The following NGFR variants were observed in gnomAD, a reference collection of about 807,000 sequenced individuals.
The protein encoded by NGFR is nerve growth factor receptor, also known as tumor necrosis factor receptor superfamily member 16.
In NGFR, 30 loss-of-function variants were observed where a neutral mutation model predicts 43.2. That is an observed-to-expected ratio of 0.69 (90% CI 0.52 to 0.94). The LOEUF (loss-of-function observed/expected upper bound fraction) is 0.94, where lower values mean the gene tolerates loss of function less well. Among genes scored for constraint, NGFR ranks in the 40% least tolerant of loss-of-function variants. The pLI, the probability that NGFR is intolerant of heterozygous loss-of-function variation, is 0.00. For missense variants in NGFR, 529 were observed against 602.5 expected (o/e 0.88, Z 1.28); for synonymous variants, 246 against 259.6 (o/e 0.95, Z 0.50).
In NGFR at chr17:49,495,736, G is replaced by A; in HGVS notation, c.66+253G>A. The A allele has an allele frequency of 2.5e-6, 1 of 392,196 alleles. No individual in the cohort carries two copies. The highest frequency in any genetic ancestry group is 4.5e-6 in the Non-Finnish European group (1 of 222,918). 24.3% of individuals were successfully genotyped at this position (392,196 alleles called of 1,614,324 possible). On this transcript the variant is annotated intron_variant, in intron 1 of 5. Transcript: ENST00000172229. The surrounding 1 kb of genome is among the most constrained non-coding windows in gnomAD (Gnocchi z 6.4). ...CCGGTCCTCAGGTACCGCAGGGGGC[G>A]GTGGGGGAGCTGGGAGGGGTCTTTC...
At chr17:49,510,004 G>A (rs1266486117) in intron 3 of NGFR, among the ~76,000 whole-genome samples, 2 of 152,156 alleles carry the variant, frequency 1.3e-5, no homozygotes, top group Non-Finnish European at 2.9e-5. Flanking sequence ...AGGCCTCCCT[G>A]TGGTCAGGCT....
At chr17:49,509,581 C>T (rs999902936) in intron 3 of NGFR, among the ~76,000 whole-genome samples, 25 of 152,220 alleles carry the variant, frequency 1.6e-4, no homozygotes, top group Non-Finnish European at 1.5e-5. Context: ...TGGCAAGTCA[C>T]AGTCTCCCCC....
Position 49,512,050 on chromosome 17 carries a change from A to G in NGFR, c.980A>G (p.Gln327Arg). ...QQPHTQTASG[Q>R]ALKGDGGLYS... ...CCCCACACGCAGACAGCCTCGGGCCAGGGTGAGCAGCGGCCCGCTGGGGAG... is the reference window on the plus strand; with the variant it reads ...CCCCACACGCAGACAGCCTCGGGCCGGGGTGAGCAGCGGCCCGCTGGGGAG... Residue 327 changes from glutamine to arginine, a missense_variant and splice_region_variant, in exon 5 of 6, where the codon CAG becomes CGG. Gln to Arg is a conservative substitution (Grantham distance 43, BLOSUM62 1). Transcript: ENST00000172229. The surrounding 1 kb of genome is among the most constrained non-coding windows in gnomAD (Gnocchi z 5.2). 12 of 1,612,662 alleles carry G rather than the reference A, an allele frequency of 7.4e-6. No individual in the cohort carries two copies. The highest frequency in any genetic ancestry group is 1.0e-5 in the Non-Finnish European group (12 of 1,179,408).
chr17:49,495,654 C>G lies in NGFR; in HGVS notation c.66+171C>G. On this transcript the variant is annotated intron_variant, in intron 1 of 5. Transcript: ENST00000172229. This position sits in a 1 kb window ranked among gnomAD's most constrained non-coding sequence, Gnocchi z 6.4. ...ACCACGAAGGAGGGTCTAGGGTTCC[C>G]GGAGCGCAGAGGCGACTCTCCAGGG... The G allele has an allele frequency of 1.8e-6, 1 of 562,414 alleles. No homozygotes were observed. Among genetic ancestry groups the G allele is most frequent in the Non-Finnish European group, 2.7e-6 (1 of 376,566 alleles). 34.8% of individuals were successfully genotyped at this position (562,414 alleles called of 1,614,324 possible).
At chr17:49,510,763 C>A in intron 4 of NGFR, 99 bp downstream of exon 4, 1 of 1,461,000 alleles carries the variant, frequency 6.8e-7, no homozygotes, top group Non-Finnish European at 9.4e-7. Flanking sequence ...CCTTTTAACT[C>A]AACCCCAAAC....
Position 49,506,450 on chromosome 17 carries a change from G to A in NGFR, c.360G>A (p.Gly120=). The A allele has an allele frequency of 3.1e-6, 5 of 1,608,508 alleles. No homozygotes were observed. Among genetic ancestry groups the A allele is most frequent in the Non-Finnish European group, 4.2e-6 (5 of 1,178,956 alleles). Residue 120 remains glycine, a synonymous_variant, in exon 3 of 6, where the codon GGG becomes GGA. Transcript: ENST00000172229. Reference sequence around the variant, plus strand: ...GCTACTACCAGGATGAGACGACTGGGCGCTGCGAGGCGTGCCGCGTGTGCG... The same window carrying A: ...GCTACTACCAGGATGAGACGACTGGACGCTGCGAGGCGTGCCGCGTGTGCG... The part of the protein sequence containing the change: ...AYGYYQDETT[G]RCEACRVCEA...
In NGFR at chr17:49,506,613, C is replaced by T; in HGVS notation, c.523C>T (p.Arg175Cys). Reference protein sequence around the residue: ...LPCTVCEDTERQLRECTRWAD... With the variant: ...LPCTVCEDTECQLRECTRWAD... ...CTGCACCGTGTGCGAGGACACCGAGCGCCAGCTCCGCGAGTGCACACGCTG... is the reference window on the plus strand; with the variant it reads ...CTGCACCGTGTGCGAGGACACCGAGTGCCAGCTCCGCGAGTGCACACGCTG... Residue 175 changes from arginine to cysteine, a missense_variant, in exon 3 of 6, where the codon CGC (arginine) becomes TGC (cysteine). Physicochemically the swap from Arg to Cys is radical, Grantham distance 180 (BLOSUM62 -3). Transcript: ENST00000172229. The T allele has an allele frequency of 6.3e-7, 1 of 1,598,340 alleles. No homozygotes were observed. Among genetic ancestry groups the T allele is most frequent in the Non-Finnish European group, 8.5e-7 (1 of 1,173,024 alleles).
rs11466165 is a variant in NGFR at position 49,513,673 on chromosome 17, C to T, written c.*664C>T. On this transcript the variant is annotated 3_prime_UTR_variant, in exon 6 of 6. Transcript: ENST00000172229. Reference sequence around the variant, plus strand: ...GGGGAGGCCAAGTGCAGGCTGGCACCGCCTTCTCTAAATGAGGGGCCTCAG... The same window carrying T: ...GGGGAGGCCAAGTGCAGGCTGGCACTGCCTTCTCTAAATGAGGGGCCTCAG... 0.021 allele frequency: 3,187 copies of T among 152,456 alleles called. 73 individuals carry two copies. Among genetic ancestry groups the T allele is most frequent in the Non-Finnish European group, 0.029 (1,982 of 68,124 alleles). 9.4% of individuals were successfully genotyped at this position (152,456 alleles called of 1,614,324 possible).
chr17:49,506,292 C>A lies in NGFR; in HGVS notation c.209-7C>A, dbSNP rs1330219029. 3.2e-6 allele frequency: 5 copies of A among 1,541,038 alleles called. No individual in the cohort carries two copies. Among genetic ancestry groups the A allele is most frequent in the Admixed American group, 1.8e-5 (1 of 54,456 alleles). Reference sequence around the variant, plus strand: ...AGACGACTAAATCTGGTGTCCGCTGCGCTCAGGCGTGACGTTCTCCGACGT... The same window carrying A: ...AGACGACTAAATCTGGTGTCCGCTGAGCTCAGGCGTGACGTTCTCCGACGT... On this transcript the variant is annotated splice_region_variant and splice_polypyrimidine_tract_variant and intron_variant, in intron 2 of 5. Coordinates refer to ENST00000172229, the MANE Select transcript of NGFR (RefSeq NM_002507.4).
rs1485955861 is a variant in NGFR, at chr17:49,495,616, C to G, written c.66+133C>G. 2 of 794,974 alleles carry G rather than the reference C, an allele frequency of 2.5e-6. No individual in the cohort carries two copies. Among genetic ancestry groups the G allele is most frequent in the East Asian group, 3.4e-5 (1 of 29,680 alleles). The allele number at this position is 794,974 out of a possible 1,614,324, so 49.2% of individuals were successfully genotyped here. A position where few individuals can be genotyped will look rare whatever the true frequency, so the allele number is the denominator to read the frequency against. On this transcript the variant is annotated intron_variant, in intron 1 of 5. Coordinates refer to ENST00000172229, the MANE Select transcript of NGFR (RefSeq NM_002507.4). The surrounding 1 kb of genome is among the most constrained non-coding windows in gnomAD (Gnocchi z 6.4). ...CTGAGGGTGGGTGGTGGGAAAGGACCTCTGATGCCGGGACCACGAAGGAGG... is the reference window on the plus strand; with the variant it reads ...CTGAGGGTGGGTGGTGGGAAAGGACGTCTGATGCCGGGACCACGAAGGAGG...
intron 1 of NGFR, among the ~76,000 whole-genome samples, chr17:49,500,289 T>C (rs1007370008): frequency 6.6e-6 from 1 of 152,194 alleles, no homozygotes; most frequent in African/African-American, 2.4e-5. Flanking sequence ...GAATCTCGGC[T>C]AACCAACAGT....
At chr17:49,502,265 A>T in intron 2 of NGFR, 61 bp downstream of exon 2, 1 of 1,516,320 alleles carries the variant, frequency 6.6e-7, no homozygotes, top group Non-Finnish European at 8.9e-7. Flanking sequence ...GAGGGGTGAA[A>T]GGGAGGGGCG....
At chr17:49,506,255 G>A in intron 2 of NGFR, 44 bp from the exon 3 acceptor site, 1 of 1,510,932 alleles carries the variant, frequency 6.6e-7, no homozygotes, top group South Asian at 1.3e-5. Context: ...CGTCCCGGGT[G>A]CCCAAAAGAG....
intron 1 of NGFR, 63 bp from the exon 2 acceptor site, chr17:49,502,000 A>ACCCC (rs11466133): frequency 7.5e-6 from 2 of 268,284 alleles, no homozygotes; most frequent in African/African-American, 2.4e-5. Context: ...CCCCGGAAGA[A>ACCCC]CCCCCCCCAA....
chr17:49,511,890 A>G lies in NGFR; in HGVS notation c.822-2A>G. ...GAAACCTGGCCTGTCCTCTGGCTCC[A>G]GGTGGAACAGCTGCAAGCAGAACAA... is the stretch of plus-strand genomic sequence containing the variant. On this transcript the variant is annotated splice_acceptor_variant, in intron 4 of 5. Transcript: ENST00000172229. LOFTEE classifies it high-confidence loss of function. 1 of 1,602,804 alleles carries G rather than the reference A, an allele frequency of 6.2e-7. No homozygotes were observed.
intron 2 of NGFR, among the ~76,000 whole-genome samples, chr17:49,502,872 C>CCTT: frequency 1.3e-5 from 2 of 148,968 alleles, no homozygotes; most frequent in African/African-American, 2.5e-5. Flanking sequence ...TCCTTCCTTT[C>CCTT]TCTCTCTCTC....
Position 49,506,380 on chromosome 17 carries a change from C to A in NGFR, c.290C>A (p.Ala97Glu). The change falls in exon 3 of 6, where the codon GCG becomes GAG. Residue 97 changes from alanine (A) to glutamate (E), a missense_variant. Physicochemically the swap from Ala to Glu is moderately radical, Grantham distance 107. Transcript: ENST00000172229. ...TGCGTGGGGCTCCAGAGCATGTCGGCGCCGTGCGTGGAGGCCGACGACGCC... is the reference window on the plus strand; with the variant it reads ...TGCGTGGGGCTCCAGAGCATGTCGGAGCCGTGCGTGGAGGCCGACGACGCC... ...TECVGLQSMS[A>E]PCVEADDAVC... 6.2e-7 allele frequency: 1 copy of A among 1,600,912 alleles called. No individual in the cohort carries two copies. The highest frequency in any genetic ancestry group is 8.5e-7 in the Non-Finnish European group (1 of 1,176,878).
In NGFR at chr17:49,512,138, C is replaced by G. The variant is rs1050408889; in HGVS notation, c.982+86C>G. 3 of 1,479,502 alleles carry G rather than the reference C, an allele frequency of 2.0e-6. No individual in the cohort carries two copies. Among genetic ancestry groups the G allele is most frequent in the East Asian group, 4.9e-5 (2 of 40,758 alleles). The allele number at this position is 1,479,502 out of a possible 1,614,324, so 91.6% of individuals were successfully genotyped here. A position where few individuals can be genotyped will look rare whatever the true frequency, so the allele number is the denominator to read the frequency against. On this transcript the variant is annotated intron_variant, in intron 5 of 5. Transcript: ENST00000172229. The surrounding 1 kb of genome is among the most constrained non-coding windows in gnomAD (Gnocchi z 5.2). ...AAGATTAGACTCCAGGAAGGACTGTCGGGGGGGCGGCAGGGCTGGCTCAGC... is the reference window on the plus strand; with the variant it reads ...AAGATTAGACTCCAGGAAGGACTGTGGGGGGGGCGGCAGGGCTGGCTCAGC...
chr17:49,513,285 G>A lies in NGFR; in HGVS notation c.*276G>A. On this transcript the variant is annotated 3_prime_UTR_variant, in exon 6 of 6. Transcript: ENST00000172229. The stretch of plus-strand genomic sequence containing the variant: ...GCCCCGTCACCATCTCAGGCCACCT[G>A]CCCCCTTCTCCCACACTGCTAGGTG... 2 of 473,214 alleles carry A rather than the reference G, an allele frequency of 4.2e-6. No homozygotes were observed. The highest frequency in any genetic ancestry group is 7.5e-6 in the Non-Finnish European group (2 of 267,172). 29.3% of individuals were successfully genotyped at this position (473,214 alleles called of 1,614,324 possible). A position where few individuals can be genotyped will look rare whatever the true frequency, so the allele number is the denominator to read the frequency against.
Sources: gnomAD v4.1 joint callset for allele counts (sites outside exome capture counted in the v4.1 genomes callset) on GRCh38, gnomAD v4.1.1 for gene constraint, Gnocchi (gnomAD v3.1) non-coding constraint, MANE v1.5 for transcripts, NCBI Gene and HGNC (gene_info 2026-07-23, HGNC 2026-07-21) for gene names.